Variants in SAMSN1 observed in about 807,000 individuals in gnomAD.
SAMSN1 encodes the protein SAM domain, SH3 domain and nuclear localization signals 1.
Under a neutral mutation model 42.0 loss-of-function variants are expected in SAMSN1, and 31 were observed. The ratio of observed to expected loss-of-function variants is 0.74; its 90% confidence interval spans 0.55 to 1.00. The LOEUF (loss-of-function observed/expected upper bound fraction) is 1.00, where lower values mean the gene tolerates loss of function less well. Ranked by LOEUF, SAMSN1 falls within the 50% of genes least tolerant of loss-of-function variation. The pLI is 0.00. For missense variants in SAMSN1, 464 were observed against 439.4 expected, an observed-to-expected ratio of 1.06 and a Z score of -0.50; for synonymous variants, 178 against 151.9, an observed-to-expected ratio of 1.17 and a Z score of -1.26.
upstream of SAMSN1, among the ~76,000 whole-genome samples, chr21:14,546,831 T>G (rs1360865427): frequency 2.0e-5 from 3 of 152,068 alleles, no homozygotes; most frequent in Admixed American, 1.3e-4. Context: ...TGCCTCAGCC[T>G]CCCAAGTAGC....
chr21:14,632,249 T>C (rs1373653505), intron 2 of SAMSN1, among the ~76,000 whole-genome samples: 1 of 152,132 alleles, frequency 6.6e-6, no homozygotes, highest in East Asian at 1.9e-4. Context: ...GCCTTCTCGG[T>C]GTAATCCCTG....
Position 14,534,531 on chromosome 21 carries a change from T to TA in SAMSN1, c.57+11673_57+11674insT, listed in dbSNP as rs1454908408. Among the ~76,000 whole-genome samples the TA allele has an allele frequency of 4.0e-5, 6 of 151,466 alleles. No individual in the cohort carries two copies. In the East Asian group the frequency reaches 9.8e-4, roughly 25 times the overall value. The stretch of plus-strand genomic sequence containing the variant: ...GAGGGAGAGACTTTTTTTCTTTTTT[T>TA]TTTTGAGACGGAGTCTCGCTGTCGC... On this transcript the variant is annotated intron_variant, in intron 1 of 7. Coordinates refer to ENST00000400566, the MANE Select transcript of SAMSN1 (RefSeq NM_022136.5).
intron 4 of SAMSN1, 107 bp downstream of exon 4, chr21:14,512,337 C>G (rs758085644): frequency 1.1e-5 from 13 of 1,134,966 alleles, no homozygotes; most frequent in African/African-American, 1.6e-5. Context: ...TTTACCATTT[C>G]TCTTATCAAG....
chr21:14,555,783 G>A (rs1019503494), intron 2 of SAMSN1, among the ~76,000 whole-genome samples: 1 of 152,122 alleles, frequency 6.6e-6, no homozygotes, highest in East Asian at 1.9e-4. Context: ...ATATTATTCA[G>A]TACCACTGAA....
chr21:14,516,777 G>A (rs7282019), intron 3 of SAMSN1, 115 bp downstream of exon 3: 1 of 816,630 alleles, frequency 1.2e-6, no homozygotes, highest in Non-Finnish European at 1.8e-6. Context: ...TAATGACTGA[G>A]GAAGAAAACA....
At chr21:14,638,950 A>G (rs1983531174) in intron 2 of SAMSN1, among the ~76,000 whole-genome samples, 1 of 152,214 alleles carries the variant, frequency 6.6e-6, no homozygotes, top group African/African-American at 2.4e-5. Context: ...TGAGTAATGA[A>G]CCTTCACTGA....
rs574286459 is a variant in SAMSN1 at position 14,609,375 on chromosome 21, C to A, written c.322+107G>T. 2.8e-5 allele frequency: 19 copies of A among 670,788 alleles called. No homozygotes were observed. The African/African-American group carries it at 3.4e-4, about 12-fold the overall frequency. The allele number at this position is 670,788 out of a possible 1,614,324, so 41.6% of individuals were successfully genotyped here. A position where few individuals can be genotyped will look rare whatever the true frequency, so the allele number is the denominator to read the frequency against. On this transcript the variant is annotated intron_variant, in intron 5 of 15. Coordinates refer to the SAMSN1 transcript ENST00000647101. ...ATTTGGTTTTCCTTTTTAAGTAGAC[C>A]ATAATGGTCTGCTTATTTTCATGGT...
chr21:14,577,283 T>TA (rs1350815696), intron 2 of SAMSN1, among the ~76,000 whole-genome samples: 13 of 55,468 alleles, frequency 2.3e-4, no homozygotes, highest in Non-Finnish European at 4.2e-4. Context: ...TATATATATA[T>TA]ATTTTTTTTT....
intron 6 of SAMSN1, 141 bp downstream of exon 6, chr21:14,500,388 T>G: frequency 1.5e-6 from 1 of 666,454 alleles, no homozygotes; most frequent in Non-Finnish European, 2.6e-6. Context: ...AAAAGAGAAA[T>G]AAGAGCTCTT....
intron 1 of SAMSN1, among the ~76,000 whole-genome samples, chr21:14,524,268 T>G (rs1271955699): frequency 3.9e-5 from 6 of 152,148 alleles, no homozygotes; most frequent in Non-Finnish European, 7.4e-5. Flanking sequence ...TGAGAATGTG[T>G]TTGAATATTG....
chr21:14,551,675 TTAA>T (rs1385556538), intron 2 of SAMSN1, among the ~76,000 whole-genome samples: 3 of 152,126 alleles, frequency 2.0e-5, no homozygotes, highest in African/African-American at 7.2e-5. Context: ...ATTCTACAAG[TTAA>T]TAATATTAAT....
At chr21:14,551,054 T>A (rs1034035966), upstream of SAMSN1, among the ~76,000 whole-genome samples, 1 of 152,076 alleles carries the variant, frequency 6.6e-6, no homozygotes, top group Non-Finnish European at 1.5e-5. Flanking sequence ...CTATTTCTCA[T>A]TACAAATTTA....
intron 7 of SAMSN1, among the ~76,000 whole-genome samples, chr21:14,490,463 C>T (rs1466563403): frequency 6.6e-6 from 1 of 152,056 alleles, no homozygotes; most frequent in African/African-American, 2.4e-5. Flanking sequence ...AAATGAAAAC[C>T]CAGCCACTGT....
intron 2 of SAMSN1, among the ~76,000 whole-genome samples, chr21:14,520,606 C>G (rs539198654): frequency 6.6e-6 from 1 of 152,242 alleles, no homozygotes; most frequent in Admixed American, 6.5e-5. Context: ...AAACAGCCAA[C>G]GGTCCCTTGC....
Position 14,613,182 on chromosome 21 carries a change from A to G in SAMSN1, c.198-269T>C, listed in dbSNP as rs187694683. Among the ~76,000 whole-genome samples, 25 of 152,328 alleles carry G rather than the reference A, an allele frequency of 1.6e-4. No homozygotes were observed. The East Asian group carries it at 4.2e-3, about 26-fold the overall frequency. The stretch of plus-strand genomic sequence containing the variant: ...ATAGTAAGTCTTTTTACGTGAAGGT[A>G]TCTCAGGATAACCAAATAGTTACTA... On this transcript the variant is annotated intron_variant, in intron 3 of 15. Coordinates refer to the SAMSN1 transcript ENST00000647101.
intron 1 of SAMSN1, among the ~76,000 whole-genome samples, chr21:14,644,732 C>T (rs1424922794): frequency 6.6e-6 from 1 of 152,078 alleles, no homozygotes; most frequent in African/African-American, 2.4e-5. Flanking sequence ...ATCTCTTATT[C>T]CAGGACTGTA....
chr21:14,612,410 C>A (rs1982731589), intron 4 of SAMSN1: 1 of 213,462 alleles, frequency 4.7e-6, no homozygotes, highest in African/African-American at 2.3e-5. Flanking sequence ...ACAAACCAAA[C>A]TGATTGCATG....
intron 7 of SAMSN1, among the ~76,000 whole-genome samples, chr21:14,590,564 T>A (rs927326054): frequency 2.7e-5 from 4 of 150,272 alleles, no homozygotes; most frequent in Non-Finnish European, 4.4e-5. Flanking sequence ...ATTACAGGCG[T>A]GAGCCATCAC....
At chr21:14,512,948 C>T (rs1302551854) in intron 3 of SAMSN1, among the ~76,000 whole-genome samples, 2 of 152,170 alleles carry the variant, frequency 1.3e-5, no homozygotes, top group African/African-American at 2.4e-5. Flanking sequence ...ACCACCATTA[C>T]TAATCCATTG....
Sources: allele counts gnomAD v4.1 joint callset (sites outside exome capture counted in the v4.1 genomes callset), GRCh38; gene constraint gnomAD v4.1.1; transcripts MANE v1.5; gene names NCBI Gene and HGNC (gene_info 2026-07-23, HGNC 2026-07-21).